RPS6KA3: variants seen among roughly 807,000 people sequenced by gnomAD.
RPS6KA3 encodes ribosomal protein S6 kinase alpha-3.
In RPS6KA3, 4 loss-of-function variants were observed where a neutral mutation model predicts 67.2. The ratio of observed to expected loss-of-function variants is 0.06; its 90% CI spans 0.03 to 0.14. RPS6KA3 has a LOEUF of 0.14. RPS6KA3 is among the 10% of genes least tolerant of loss of function. The pLI is 1.00. For missense variants in RPS6KA3, 204 were observed against 559.0 expected (o/e 0.36, Z 6.40); for synonymous variants, 182 against 183.7 (o/e 0.99, Z 0.07).
intron 18 of RPS6KA3, among the ~76,000 whole-genome samples, chrX:20,164,038 C>G (rs2067371487): frequency 9.0e-6 from 1 of 111,318 alleles, no homozygotes; most frequent in Non-Finnish European, 1.9e-5. Flanking sequence ...GTAGTCCCAG[C>G]TACCTGGAAG....
chrX:20,243,605 T>A (rs2069606725), intron 1 of RPS6KA3, among the ~76,000 whole-genome samples: 1 of 110,410 alleles, frequency 9.1e-6, no homozygotes, highest in African/African-American at 3.3e-5. Context: ...CCTGTCTCAG[T>A]CTCCTGAGTA....
At chrX:20,237,910 A>G (rs1378893234) in intron 1 of RPS6KA3, among the ~76,000 whole-genome samples, 2 of 111,336 alleles carry the variant, frequency 1.8e-5, no homozygotes, top group Non-Finnish European at 3.8e-5. Context: ...AGGCACTATA[A>G]TATCTCTGAG....
At chrX:20,223,204 T>C (rs1336057015) in intron 2 of RPS6KA3, among the ~76,000 whole-genome samples, 1 of 111,849 alleles carries the variant, frequency 8.9e-6, no homozygotes. Flanking sequence ...TTTGCATTTA[T>C]ATTCATAAAT....
chrX:20,234,568 A>G (rs1408413302), intron 2 of RPS6KA3, among the ~76,000 whole-genome samples, 190 bp downstream of exon 2: 1 of 112,167 alleles, frequency 8.9e-6, no homozygotes, highest in Non-Finnish European at 1.9e-5. Context: ...CATTCTCTTA[A>G]AATCACTCTT....
intron 1 of RPS6KA3, among the ~76,000 whole-genome samples, chrX:20,261,334 A>T (rs1286611481): frequency 8.0e-5 from 9 of 112,291 alleles, no homozygotes; most frequent in African/African-American, 2.9e-4. Flanking sequence ...CACAGAAATG[A>T]TTAATGGATA....
rs757920979 is a variant in RPS6KA3, at chrX:20,167,598, G to A, written c.1593C>T (p.His531=). 1.5e-5 allele frequency: 18 copies of A among 1,208,070 alleles called. 1 individual carries two copies. The highest frequency in any genetic ancestry group is 1.3e-4 in the Admixed American group (6 of 45,717). Residue 531 remains histidine, a synonymous_variant, in exon 17 of 22, where the codon CAC becomes CAT. Coordinates refer to ENST00000379565, the MANE Select transcript of RPS6KA3 (RefSeq NM_004586.3). ...TGGTAAAAAGACTTACCCCTTGTGC[G>A]TGAAGATATTCAACGGTTTTAGTTA... ...FTITKTVEYL[H]AQGVVHRDLK...
rs745422670 is a variant in RPS6KA3, at chrX:20,152,945, C to T, written c.*2453G>A. ...GGAAAGGCAGCATGGTGTGATGAGGCGGAAAAAAACAAAATGGGGAGAAGT... is the reference window on the plus strand; with the variant it reads ...GGAAAGGCAGCATGGTGTGATGAGGTGGAAAAAAACAAAATGGGGAGAAGT... On this transcript the variant is annotated 3_prime_UTR_variant, in exon 22 of 22. Coordinates refer to ENST00000379565, the MANE Select transcript of RPS6KA3 (RefSeq NM_004586.3). 9.9e-5 allele frequency: 11 copies of T among 110,587 alleles called. No homozygotes were observed. Among genetic ancestry groups the T allele is most frequent in the South Asian group, 7.7e-4 (2 of 2,603 alleles). The allele number at this position is 110,587 out of a possible 1,213,427, so 9.1% of individuals were successfully genotyped here.
intron 17 of RPS6KA3, 65 bp from the exon 18 acceptor site, chrX:20,165,125 T>C: frequency 1.1e-6 from 1 of 882,458 alleles, no homozygotes; most frequent in East Asian, 3.1e-5. Context: ...AGTTCTTTAT[T>C]CACAAACTGT....
chrX:20,190,218 C>G (rs1343076600), intron 7 of RPS6KA3, among the ~76,000 whole-genome samples: 1 of 111,695 alleles, frequency 9.0e-6, no homozygotes, highest in Non-Finnish European at 1.9e-5. Context: ...TCTCAATAAA[C>G]AACATTCCTT....
At chrX:20,186,420 G>T in intron 9 of RPS6KA3, 54 bp from the exon 10 acceptor site, 1 of 721,034 alleles carries the variant, frequency 1.4e-6, no homozygotes, top group Non-Finnish European at 2.1e-6. Context: ...AAAATCTGAA[G>T]GCCAGAAGGT....
intron 4 of RPS6KA3, among the ~76,000 whole-genome samples, chrX:20,196,404 C>T (rs2068272575): frequency 8.9e-6 from 1 of 112,211 alleles, no homozygotes; most frequent in African/African-American, 3.2e-5. Flanking sequence ...CTTCAAGAAG[C>T]TCATGATCTA....
chrX:20,259,802 A>G (rs2070175235), intron 1 of RPS6KA3, among the ~76,000 whole-genome samples: 1 of 111,835 alleles, frequency 8.9e-6, no homozygotes, highest in African/African-American at 3.3e-5. Flanking sequence ...GTTAAATCTT[A>G]TTTAATGCCA....
intron 4 of RPS6KA3, among the ~76,000 whole-genome samples, chrX:20,195,905 T>C (rs2068261695): frequency 8.9e-6 from 1 of 112,208 alleles, no homozygotes; most frequent in African/African-American, 3.2e-5. Flanking sequence ...ACCTAGAGCC[T>C]GGTATGTATG....
chrX:20,206,899 A>G (rs928924231), intron 3 of RPS6KA3, among the ~76,000 whole-genome samples: 3 of 111,789 alleles, frequency 2.7e-5, no homozygotes, highest in African/African-American at 6.5e-5. Context: ...TTAAGGACCA[A>G]CAAAGGCAGC....
At chrX:20,263,350 C>T (rs1464098435) in intron 1 of RPS6KA3, among the ~76,000 whole-genome samples, 1 of 112,142 alleles carries the variant, frequency 8.9e-6, no homozygotes, top group Non-Finnish European at 1.9e-5. Flanking sequence ...TCTAAACAGT[C>T]AAATATTCAA....
intron 1 of RPS6KA3, among the ~76,000 whole-genome samples, chrX:20,263,637 C>T (rs2070295041): frequency 9.0e-6 from 1 of 111,513 alleles, no homozygotes. Flanking sequence ...GAAGAAACTG[C>T]CTGTGTTTTT....
chrX:20,157,810 G>A (rs2067222071), intron 20 of RPS6KA3, among the ~76,000 whole-genome samples: 1 of 111,141 alleles, frequency 9.0e-6, no homozygotes, highest in Non-Finnish European at 1.9e-5. Context: ...GCTCTTAGGT[G>A]GGAGAGAAGA....
intron 9 of RPS6KA3, among the ~76,000 whole-genome samples, chrX:20,187,118 T>C (rs752807681): frequency 5.4e-4 from 60 of 112,146 alleles, no homozygotes; most frequent in African/African-American, 1.8e-3. Context: ...GGTTTCACCA[T>C]GTTGGCCAGG....
chrX:20,161,746 T>G lies in RPS6KA3; in HGVS notation c.1857A>C (p.Ala619=), dbSNP rs1220040943. Residue 619 remains alanine (A), a synonymous_variant, in exon 20 of 22, where the codon GCA becomes GCC. Transcript: ENST00000379565. ...CCTCTGGTGTATCATCAGGACCATTTGCAAATGGAGTGTAACTAATTTATA... is the reference window on the plus strand; with the variant it reads ...CCTCTGGTGTATCATCAGGACCATTGGCAAATGGAGTGTAACTAATTTATA... The part of the protein sequence containing the change: ...YTMLTGYTPF[A]NGPDDTPEEI... 9.6e-7 allele frequency: 1 copy of G among 1,040,381 alleles called. No homozygotes were observed. Among genetic ancestry groups the G allele is most frequent in the Non-Finnish European group, 1.3e-6 (1 of 775,336 alleles). The allele number at this position is 1,040,381 out of a possible 1,213,427, so 85.7% of individuals were successfully genotyped here.
Sources: gnomAD v4.1 joint callset for allele counts (sites outside exome capture counted in the v4.1 genomes callset) on GRCh38, gnomAD v4.1.1 for gene constraint, MANE v1.5 for transcripts, NCBI Gene and HGNC (gene_info 2026-07-23, HGNC 2026-07-21) for gene names.